Variants in CNTLN observed in about 807,000 individuals in gnomAD.
CNTLN encodes centlein, centrosomal protein.
CNTLN carries 212 observed loss-of-function variants against 180.0 expected under a neutral mutation model. The observed-to-expected ratio is 1.18, with a 90% CI of 1.05 to 1.32. The LOEUF (loss-of-function observed/expected upper bound fraction) is 1.32. CNTLN is among the 40% of genes most tolerant of loss of function. The pLI is 0.00. For synonymous variants in CNTLN, 722 were observed against 563.1 expected (o/e 1.28, Z -3.99); for missense variants, 2,095 against 1,610.9 (o/e 1.30, Z -5.14).
At chr9:17,476,031 T>A (rs1487222602) in intron 23 of CNTLN, among the ~76,000 whole-genome samples, 1 of 152,084 alleles carries the variant, frequency 6.6e-6, no homozygotes, top group Admixed American at 6.5e-5. Context: ...CCAGCTCTAT[T>A]TTTTTTTCCA....
chr9:17,451,105 G>C (rs969031231), intron 18 of CNTLN, among the ~76,000 whole-genome samples: 2 of 152,002 alleles, frequency 1.3e-5, no homozygotes, highest in Admixed American at 6.6e-5. Flanking sequence ...ATTTCTTTCA[G>C]TTTTATCCCC....
intron 5 of CNTLN, among the ~76,000 whole-genome samples, chr9:17,273,176 T>C (rs1287685840): frequency 8.5e-6 from 1 of 117,072 alleles, no homozygotes; most frequent in Non-Finnish European, 1.8e-5. Context: ...CCTTTCACAA[T>C]GAAAAATATT....
At position 17,337,082 on chromosome 9, in the gene CNTLN, T is replaced by A. The variant is rs1484850410; in HGVS notation, c.1645-3745T>A. On this transcript the variant is annotated intron_variant, in intron 10 of 25. Coordinates refer to ENST00000380647, the MANE Select transcript of CNTLN (RefSeq NM_017738.4). ...CAGTGATGATGAGCTTTTTTTCATA[T>A]GTTTGTTGGCTACATAAACGTGTTC... Among the ~76,000 whole-genome samples the A allele has an allele frequency of 4.6e-5, 7 of 152,244 alleles. No individual in the cohort carries two copies. In the East Asian group the frequency reaches 1.3e-3, roughly 29 times the overall value.
At chr9:17,215,348 C>T (rs200029480) in intron 2 of CNTLN, among the ~76,000 whole-genome samples, 39 of 152,178 alleles carry the variant, frequency 2.6e-4, no homozygotes, top group African/African-American at 6.8e-4. Flanking sequence ...GTGTCAGCAG[C>T]GGAGGCTGCA....
intron 8 of CNTLN, among the ~76,000 whole-genome samples, chr9:17,327,416 C>T (rs1397137883): frequency 6.6e-6 from 1 of 151,302 alleles, no homozygotes; most frequent in East Asian, 2.0e-4. Context: ...GATCTCCTGA[C>T]CTCGTGATCC....
rs1278045444 is a variant in CNTLN at position 17,323,506 on chromosome 9, TG to T, written c.1342-7124del. Among the ~76,000 whole-genome samples, 7 of 152,324 alleles carry T rather than the reference TG, an allele frequency of 4.6e-5. No individual in the cohort carries two copies. In the East Asian group the frequency reaches 1.4e-3, roughly 29 times the overall value. On this transcript the variant is annotated intron_variant, in intron 8 of 25. Coordinates refer to ENST00000380647, the MANE Select transcript of CNTLN (RefSeq NM_017738.4). ...CATATGTTCTTGCTGCATCTTACTA[TG>T]GCTATGTGTGCAAGATAAGTTCCCC...
At chr9:17,384,797 T>G (rs919880390) in intron 13 of CNTLN, among the ~76,000 whole-genome samples, 2 of 152,214 alleles carry the variant, frequency 1.3e-5, no homozygotes, top group African/African-American at 4.8e-5. Context: ...TTATTTTTAC[T>G]CACAATACTT....
chr9:17,263,000 G>C (rs1827121498), intron 5 of CNTLN, among the ~76,000 whole-genome samples: 1 of 151,002 alleles, frequency 6.6e-6, no homozygotes, highest in African/African-American at 2.5e-5. Context: ...TTTTATAATT[G>C]AGTTTTAAAA....
At chr9:17,268,182 C>G (rs1272625922) in intron 5 of CNTLN, among the ~76,000 whole-genome samples, 1 of 152,044 alleles carries the variant, frequency 6.6e-6, no homozygotes, top group African/African-American at 2.4e-5. Context: ...TACTTTTGGT[C>G]TTTGATGGTG....
At chr9:17,398,897 T>A (rs959485712) in intron 15 of CNTLN, among the ~76,000 whole-genome samples, 1 of 152,184 alleles carries the variant, frequency 6.6e-6, no homozygotes, top group Non-Finnish European at 1.5e-5. Flanking sequence ...AAGCAGTACA[T>A]ACATTTACCA....
intron 5 of CNTLN, among the ~76,000 whole-genome samples, chr9:17,256,002 T>C (rs1826462679): frequency 6.6e-6 from 1 of 151,944 alleles, no homozygotes; most frequent in Non-Finnish European, 1.5e-5. Context: ...AGAATACAGT[T>C]GTTCTTAGTA....
At chr9:17,423,671 G>T (rs1324741164) in intron 18 of CNTLN, among the ~76,000 whole-genome samples, 1 of 152,114 alleles carries the variant, frequency 6.6e-6, no homozygotes. Flanking sequence ...AGTACTGCAG[G>T]ACACTTTAGT....
At chr9:17,411,908 G>A (rs1827874652) in intron 16 of CNTLN, among the ~76,000 whole-genome samples, 1 of 152,114 alleles carries the variant, frequency 6.6e-6, no homozygotes, top group South Asian at 2.1e-4. Flanking sequence ...TAGGGAACCT[G>A]GATATCCACC....
intron 4 of CNTLN, among the ~76,000 whole-genome samples, 183 bp downstream of exon 4, chr9:17,235,975 A>G (rs1335759318): frequency 3.3e-5 from 5 of 152,182 alleles, no homozygotes; most frequent in Non-Finnish European, 5.9e-5. Flanking sequence ...CAGAACTCCA[A>G]GCTTTATAAC....
chr9:17,258,220 T>G (rs371599656), intron 5 of CNTLN, among the ~76,000 whole-genome samples: 2 of 144,312 alleles, frequency 1.4e-5, no homozygotes, highest in African/African-American at 5.5e-5. Flanking sequence ...CCCAGCACCA[T>G]TTATTAAATA....
intron 12 of CNTLN, among the ~76,000 whole-genome samples, chr9:17,345,749 A>G (rs1351771292): frequency 7.2e-5 from 11 of 152,148 alleles, no homozygotes; most frequent in Admixed American, 7.2e-4. Flanking sequence ...TTTTGCTTCA[A>G]CTGTCAAACA....
At chr9:17,198,964 A>T (rs780275321) in intron 2 of CNTLN, among the ~76,000 whole-genome samples, 1 of 152,094 alleles carries the variant, frequency 6.6e-6, no homozygotes, top group Non-Finnish European at 1.5e-5. Context: ...AGTCTTTGCT[A>T]TTGTAAATAA....
intron 2 of CNTLN, among the ~76,000 whole-genome samples, chr9:17,199,394 A>ATAGAGAC (rs996045914): frequency 5.9e-5 from 9 of 151,480 alleles, no homozygotes; most frequent in Non-Finnish European, 1.5e-5. Context: ...TGTGTTTTTA[A>ATAGAGAC]TAGAGACTAG....
chr9:17,251,186 G>A (rs1203899197), intron 5 of CNTLN, among the ~76,000 whole-genome samples: 3 of 151,834 alleles, frequency 2.0e-5, no homozygotes, highest in Non-Finnish European at 4.4e-5. Flanking sequence ...TCTCTTTTTT[G>A]TAGGCTGAAT....
Sources: allele counts gnomAD v4.1 joint callset (sites outside exome capture counted in the v4.1 genomes callset), GRCh38; gene constraint gnomAD v4.1.1; transcripts MANE v1.5; gene names NCBI Gene and HGNC (gene_info 2026-07-23, HGNC 2026-07-21).